The following TRAF6 variants were observed in gnomAD, a reference collection of about 807,000 sequenced individuals.
TRAF6 encodes the protein TNF receptor associated factor 6.
In TRAF6, 10 loss-of-function variants were observed where a neutral mutation model predicts 48.4. The observed-to-expected ratio is 0.21, with a 90% CI of 0.13 to 0.35. TRAF6 has a LOEUF of 0.35. Among genes scored for constraint, TRAF6 ranks in the 10% least tolerant of loss-of-function variants. TRAF6 has a pLI of 1.00. For synonymous variants in TRAF6, 186 were observed against 219.6 expected, an observed-to-expected ratio of 0.85 and a Z score of 1.35; for missense variants, 397 against 661.0, an observed-to-expected ratio of 0.60 and a Z score of 4.38.
Position 36,491,590 on chromosome 11 carries a change from T to A in TRAF6, c.757-940A>T, listed in dbSNP as rs577458419. The stretch of plus-strand genomic sequence containing the variant: ...AAAAAGAAAGACATATCATAAACAA[T>A]GATCAATCTCAGACATTTGACACTA... On this transcript the variant is annotated intron_variant, in intron 6 of 6. Coordinates refer to ENST00000526995, the MANE Select transcript of TRAF6 (RefSeq NM_004620.4). Among the ~76,000 whole-genome samples, 3 of 152,356 alleles carry A rather than the reference T, an allele frequency of 2.0e-5. No individual in the cohort carries two copies. The East Asian group carries it at 5.8e-4, about 29-fold the overall frequency.
chr11:36,489,740 A>C lies in TRAF6; in HGVS notation c.*98T>G, dbSNP rs5030477. On this transcript the variant is annotated 3_prime_UTR_variant, in exon 7 of 7. Coordinates refer to ENST00000526995, the MANE Select transcript of TRAF6 (RefSeq NM_004620.4). ...AACAACACTCACTAGTAGATATTAC[A>C]TATTTCCCGTGGCTTGTTTGTTTGC... The C allele has an allele frequency of 1.1e-5, 14 of 1,258,146 alleles. No individual in the cohort carries two copies. Among genetic ancestry groups the C allele is most frequent in the Non-Finnish European group, 1.6e-5 (14 of 895,290 alleles). 77.9% of individuals were successfully genotyped at this position (1,258,146 alleles called of 1,614,324 possible). A position where few individuals can be genotyped will look rare whatever the true frequency, so the allele number is the denominator to read the frequency against.
In TRAF6 at chr11:36,489,660, G is replaced by A; in HGVS notation, c.*178C>T. On this transcript the variant is annotated 3_prime_UTR_variant, in exon 7 of 7. Transcript: ENST00000526995. ...AAAGCATGGAACGTGTGGATTCCCA[G>A]GAAAAAACTGCCTCAGATCATTTGT... The A allele has an allele frequency of 2.8e-6, 2 of 726,704 alleles. No homozygotes were observed. The highest frequency in any genetic ancestry group is 4.5e-6 in the Non-Finnish European group (2 of 445,704). The allele number at this position is 726,704 out of a possible 1,614,324, so 45.0% of individuals were successfully genotyped here. A position where few individuals can be genotyped will look rare whatever the true frequency, so the allele number is the denominator to read the frequency against.
Position 36,498,557 on chromosome 11 carries a change from A to G in TRAF6, c.380T>C (p.Ile127Thr). Residue 127 changes from isoleucine (I) to threonine (T), a missense_variant, in exon 3 of 7, where the codon ATT becomes ACT. By Grantham distance (89) the Ile-to-Thr change is moderately conservative. This residue lies in a region of TRAF6 where 245 missense variants were observed against 349.1 expected (regional missense o/e 0.70). Coordinates refer to ENST00000526995, the MANE Select transcript of TRAF6 (RefSeq NM_004620.4). ...TGGACATTTCACCATCAGAGAAAGA[A>G]TCTCACGTTTTGCAAAATTGTCTGG... is the stretch of plus-strand genomic sequence containing the variant. ...LFPDNFAKRE[I>T]LSLMVKCPNE... is the part of the protein sequence containing the mutation. 6.2e-7 allele frequency: 1 copy of G among 1,613,504 alleles called. No individual in the cohort carries two copies. The highest frequency in any genetic ancestry group is 8.5e-7 in the Non-Finnish European group (1 of 1,179,926).
In TRAF6 at chr11:36,498,625, T is replaced by C. The variant is rs776155871; in HGVS notation, c.312A>G (p.Lys104=). ...IIKSIRDAGH[K]CPVDNEILLE... ...GCAGTATTTCATTGTCAACTGGACA[T>C]TTGTGACCTGCATCCCTAACAGAAA... Residue 104 remains lysine (K), a synonymous_variant, in exon 3 of 7, where the codon AAA becomes AAG. Coordinates refer to ENST00000526995, the MANE Select transcript of TRAF6 (RefSeq NM_004620.4). 6.2e-7 allele frequency: 1 copy of C among 1,611,566 alleles called. No individual in the cohort carries two copies. The highest frequency in any genetic ancestry group is 1.3e-5 in the African/African-American group (1 of 74,824).
intron 1 of TRAF6, among the ~76,000 whole-genome samples, chr11:36,506,845 A>G (rs1332690989): frequency 1.3e-5 from 2 of 152,162 alleles, no homozygotes; most frequent in African/African-American, 4.8e-5. Context: ...TTTTTCATAT[A>G]GTTATCCTTT....
chr11:36,487,120 T>C lies in TRAF6; in HGVS notation c.*2718A>G, dbSNP rs1859496017. The C allele has an allele frequency of 6.6e-6, 1 of 151,388 alleles. No homozygotes were observed. Among genetic ancestry groups the C allele is most frequent in the South Asian group, 2.1e-4 (1 of 4,834 alleles). 9.4% of individuals were successfully genotyped at this position (151,388 alleles called of 1,614,324 possible). A position where few individuals can be genotyped will look rare whatever the true frequency, so the allele number is the denominator to read the frequency against. The stretch of plus-strand genomic sequence containing the variant: ...AAAAACAAAACAAAACAACCTTTAG[T>C]TGAACATCTCCAGAAAAAAGTGGAA... On this transcript the variant is annotated 3_prime_UTR_variant, in exon 7 of 7. Coordinates refer to ENST00000526995, the MANE Select transcript of TRAF6 (RefSeq NM_004620.4).
At position 36,490,149 on chromosome 11, in the gene TRAF6, T is replaced by G. The variant is rs761368102; in HGVS notation, c.1258A>C (p.Ser420Arg). Residue 420 changes from serine (S) to arginine (R), a missense_variant, in exon 7 of 7, where the codon AGC becomes CGC. Physicochemically the swap from Ser to Arg is moderately radical, Grantham distance 110. Coordinates refer to ENST00000526995, the MANE Select transcript of TRAF6 (RefSeq NM_004620.4). The surrounding 1 kb of genome is among the most constrained non-coding windows in gnomAD (Gnocchi z 6.4). ...CCCTGGAAGGGCCAAGGGAGGTGGC[T>G]GTCATATTCTCCTTGCATTGTGTGG... ...FVHTMQGEYD[S>R]HLPWPFQGTI... is the part of the protein sequence containing the mutation. The G allele has an allele frequency of 6.2e-7, 1 of 1,614,214 alleles. No homozygotes were observed. Among genetic ancestry groups the G allele is most frequent in the East Asian group, 2.2e-5 (1 of 44,878 alleles).
At position 36,490,839 on chromosome 11, in the gene TRAF6, G is replaced by A. The variant is rs1395760518; in HGVS notation, c.757-189C>T. The stretch of plus-strand genomic sequence containing the variant: ...CTGCCTCTTAGTTCACTGAAAAACA[G>A]ACTATCTGATGACTACTCTCCCAGC... On this transcript the variant is annotated intron_variant, in intron 6 of 6. Coordinates refer to ENST00000526995, the MANE Select transcript of TRAF6 (RefSeq NM_004620.4). This position sits in a 1 kb window ranked among gnomAD's most constrained non-coding sequence, Gnocchi z 6.4. Among the ~76,000 whole-genome samples the A allele has an allele frequency of 5.9e-5, 9 of 152,116 alleles. No individual in the cohort carries two copies. Among genetic ancestry groups the A allele is most frequent in the Admixed American group, 5.9e-4 (9 of 15,264 alleles).
rs542848935 is a variant in TRAF6, at chr11:36,487,111, A to C, written c.*2727T>G. 2 of 152,180 alleles carry C rather than the reference A, an allele frequency of 1.3e-5. No individual in the cohort carries two copies. The highest frequency in any genetic ancestry group is 3.9e-4 in the East Asian group (2 of 5,172). The allele number at this position is 152,180 out of a possible 1,614,324, so 9.4% of individuals were successfully genotyped here. Reference sequence around the variant, plus strand: ...CTCAAAACAAAAAACAAAACAAAACAACCTTTAGTTGAACATCTCCAGAAA... The same window carrying C: ...CTCAAAACAAAAAACAAAACAAAACCACCTTTAGTTGAACATCTCCAGAAA... On this transcript the variant is annotated 3_prime_UTR_variant, in exon 7 of 7. Coordinates refer to ENST00000526995, the MANE Select transcript of TRAF6 (RefSeq NM_004620.4).
intron 1 of TRAF6, among the ~76,000 whole-genome samples, chr11:36,502,058 G>A (rs1590643161): frequency 6.6e-6 from 1 of 152,180 alleles, no homozygotes; most frequent in South Asian, 2.1e-4. Flanking sequence ...AGTATGGCTA[G>A]CAGCTCAGTG....
chr11:36,509,808 C>T (rs934717559), intron 1 of TRAF6, among the ~76,000 whole-genome samples: 1 of 149,646 alleles, frequency 6.7e-6, no homozygotes, highest in Admixed American at 6.6e-5. Flanking sequence ...GTGTCCTCGA[C>T]CAGCGGGAAG....
intron 1 of TRAF6, chr11:36,501,773 G>A (rs1294613152): frequency 3.7e-6 from 1 of 272,458 alleles, no homozygotes; most frequent in East Asian, 6.5e-5. Flanking sequence ...ATCACTTGGA[G>A]CACACAAAGA....
Position 36,487,180 on chromosome 11 carries a change from T to G in TRAF6, c.*2658A>C, listed in dbSNP as rs778642574. 2 of 151,708 alleles carry G rather than the reference T, an allele frequency of 1.3e-5. No homozygotes were observed. The highest frequency in any genetic ancestry group is 3.0e-5 in the Non-Finnish European group (2 of 67,762). 9.4% of individuals were successfully genotyped at this position (151,708 alleles called of 1,614,324 possible). ...TTTTTAATTTAGCAATGTCCCAGAA[T>G]GATGCCAAAAGATAAATATGGTAAA... On this transcript the variant is annotated 3_prime_UTR_variant, in exon 7 of 7. Coordinates refer to ENST00000526995, the MANE Select transcript of TRAF6 (RefSeq NM_004620.4).
chr11:36,498,120 G>A (rs944147709), intron 3 of TRAF6, among the ~76,000 whole-genome samples: 15 of 152,124 alleles, frequency 9.9e-5, no homozygotes, highest in South Asian at 6.2e-4. Flanking sequence ...TCCTGACCTC[G>A]TGATCCGCCT....
At chr11:36,495,868 G>C (rs1590637949) in intron 4 of TRAF6, among the ~76,000 whole-genome samples, 1 of 151,882 alleles carries the variant, frequency 6.6e-6, no homozygotes, top group Non-Finnish European at 1.5e-5. Context: ...TTCCAGCCTG[G>C]GCAACAGGAG....
intron 3 of TRAF6, 65 bp from the exon 4 acceptor site, chr11:36,497,331 C>T: frequency 6.9e-7 from 1 of 1,457,154 alleles, no homozygotes; most frequent in Non-Finnish European, 9.3e-7. Flanking sequence ...ATAAGCTCTC[C>T]TAATCATATA....
In TRAF6 at chr11:36,486,142, C is replaced by T. The variant is rs547599115; in HGVS notation, c.*3696G>A. ...GCAACCTGTGCTTCCCGGGTTCAAG[C>T]GATTCCCGTGCCTCAGCCTCCCAAG... On this transcript the variant is annotated 3_prime_UTR_variant, in exon 7 of 7. Transcript: ENST00000526995. 4.6e-5 allele frequency among the ~76,000 whole-genome samples: 7 copies of T among 152,180 alleles called. No individual in the cohort carries two copies. The South Asian group carries it at 8.3e-4, about 18-fold the overall frequency.
At position 36,492,565 on chromosome 11, in the gene TRAF6, CA is replaced by C. The variant is rs1564965382; in HGVS notation, c.741del (p.Phe247LeufsTer24). 1 of 1,608,106 alleles carries C rather than the reference CA, an allele frequency of 6.2e-7. No homozygotes were observed. The highest frequency in any genetic ancestry group is 8.5e-7 in the Non-Finnish European group (1 of 1,178,588). On this transcript the variant is annotated frameshift_variant, in exon 6 of 7. Transcript: ENST00000526995. LOFTEE classifies it high-confidence loss of function. ...TAPIPCTFST[F>X]GCHEKMQRNH... ...AAAAACCTTACCTTTTCATGGCAAC[CA>C]AAAGTACTGAATGTGCATGGAATTG...
chr11:36,506,336 T>C (rs1228019640), intron 1 of TRAF6, among the ~76,000 whole-genome samples: 1 of 152,184 alleles, frequency 6.6e-6, no homozygotes, highest in African/African-American at 2.4e-5. Flanking sequence ...GACATTCTAA[T>C]TTCCACTCAC....
Sources: allele counts gnomAD v4.1 joint callset (sites outside exome capture counted in the v4.1 genomes callset), GRCh38; gene constraint gnomAD v4.1.1; regional missense constraint gnomAD v4.1.1; non-coding constraint Gnocchi (gnomAD v3.1); transcripts MANE v1.5; gene names NCBI Gene and HGNC (gene_info 2026-07-23, HGNC 2026-07-21).